Variants in RNF152 observed in about 807,000 individuals in gnomAD.
RNF152 encodes the protein ring finger protein 152, also known as E3 ubiquitin-protein ligase RNF152.
RNF152 carries 11 observed loss-of-function variants against 12.7 expected under a neutral mutation model. The ratio of observed to expected loss-of-function variants is 0.86; its 90% CI spans 0.54 to 1.43. The LOEUF (loss-of-function observed/expected upper bound fraction) is 1.43, where lower values mean the gene tolerates loss of function less well. Among genes scored for constraint, RNF152 ranks in the 40% most tolerant of loss-of-function variants. RNF152 has a pLI of 0.00. For synonymous variants in RNF152, 113 were observed against 120.3 expected (o/e 0.94, Z 0.40); for missense variants, 255 against 274.8 (o/e 0.93, Z 0.51).
At chr18:61,877,535 A>G (rs1200373749) in intron 1 of RNF152, among the ~76,000 whole-genome samples, 1 of 152,228 alleles carries the variant, frequency 6.6e-6, no homozygotes, top group East Asian at 1.9e-4. Flanking sequence ...AGACACATAT[A>G]CATACACAGT....
At chr18:61,827,220 C>T (rs1350868990) in intron 1 of RNF152, among the ~76,000 whole-genome samples, 1 of 152,182 alleles carries the variant, frequency 6.6e-6, no homozygotes, top group African/African-American at 2.4e-5. Flanking sequence ...GAATAAATTT[C>T]GATTTGGCCA....
intron 1 of RNF152, among the ~76,000 whole-genome samples, chr18:61,821,646 A>T (rs1245774035): frequency 6.6e-6 from 1 of 152,134 alleles, no homozygotes; most frequent in African/African-American, 2.4e-5. Flanking sequence ...AGGGTCTCCA[A>T]CCCCCAGGCC....
intron 1 of RNF152, among the ~76,000 whole-genome samples, chr18:61,816,829 C>G (rs1909122204): frequency 6.6e-6 from 1 of 152,182 alleles, no homozygotes; most frequent in Non-Finnish European, 1.5e-5. Context: ...AAAAAATGAA[C>G]AACTCCAATA....
rs140349016 is a variant in RNF152 at position 61,836,727 on chromosome 18, T to TAA, written c.-135-20131_-135-20130dup. Among the ~76,000 whole-genome samples the TAA allele has an allele frequency of 7.5e-4, 112 of 150,184 alleles. 1 individual carries two copies. In the South Asian group the frequency reaches 0.018, roughly 24 times the overall value. On this transcript the variant is annotated intron_variant, in intron 1 of 1. Coordinates refer to ENST00000312828, the MANE Select transcript of RNF152 (RefSeq NM_173557.3). ...GTAATGTTTTATAAGACACTGAATTTAAAAAAAAAATCCTTGACTCCATAG... is the reference window on the plus strand; with the variant it reads ...GTAATGTTTTATAAGACACTGAATTTAAAAAAAAAAAATCCTTGACTCCATAG...
intron 1 of RNF152, among the ~76,000 whole-genome samples, chr18:61,839,661 T>C (rs183657488): frequency 7.2e-5 from 11 of 152,210 alleles, no homozygotes; most frequent in Admixed American, 3.3e-4. Flanking sequence ...TTTGGGAGGC[T>C]GAGGCGGGCG....
chr18:61,849,877 G>A (rs534953317), intron 1 of RNF152, among the ~76,000 whole-genome samples: 7 of 152,158 alleles, frequency 4.6e-5, no homozygotes, highest in Non-Finnish European at 8.8e-5. Flanking sequence ...ATCATCAAAT[G>A]AGTTTGAGGA....
chr18:61,823,452 C>T (rs952064065), intron 1 of RNF152, among the ~76,000 whole-genome samples: 1 of 144,720 alleles, frequency 6.9e-6, no homozygotes, highest in Non-Finnish European at 1.6e-5. Context: ...TGCACCACCA[C>T]ACCCAGCTAA....
Position 61,820,674 on chromosome 18 carries a change from T to G in RNF152, c.-135-4076A>C, listed in dbSNP as rs187053972. 5.6e-4 allele frequency among the ~76,000 whole-genome samples: 85 copies of G among 152,260 alleles called. 1 individual carries two copies. The East Asian group carries it at 0.015, about 26-fold the overall frequency. On this transcript the variant is annotated intron_variant, in intron 1 of 1. Coordinates refer to ENST00000312828, the MANE Select transcript of RNF152 (RefSeq NM_173557.3). ...TAACAGGAAAACCCTCAATTGCAAA[T>G]GAGGCTGGGGACAAAAATGTTTCAT...
intron 1 of RNF152, among the ~76,000 whole-genome samples, chr18:61,873,644 T>C (rs1912091374): frequency 6.6e-6 from 1 of 152,234 alleles, no homozygotes; most frequent in East Asian, 1.9e-4. Context: ...TCAGTCTCCA[T>C]TCTTAAACAC....
intron 1 of RNF152, among the ~76,000 whole-genome samples, chr18:61,859,331 G>A (rs992564882): frequency 3.3e-5 from 5 of 152,186 alleles, no homozygotes; most frequent in East Asian, 1.9e-4. Flanking sequence ...CTGTTGTGGC[G>A]CAAATTCAAA....
intron 1 of RNF152, among the ~76,000 whole-genome samples, chr18:61,870,124 A>G (rs1468882361): frequency 6.6e-6 from 1 of 152,190 alleles, no homozygotes; most frequent in African/African-American, 2.4e-5. Context: ...GAAAACATGG[A>G]AATATTACGT....
intron 1 of RNF152, among the ~76,000 whole-genome samples, chr18:61,864,617 C>A (rs1041325670): frequency 6.6e-6 from 1 of 152,208 alleles, no homozygotes; most frequent in Non-Finnish European, 1.5e-5. Context: ...TTCTTCCCTA[C>A]CAGGAGGTCT....
intron 1 of RNF152, among the ~76,000 whole-genome samples, chr18:61,826,605 C>T (rs1909680696): frequency 2.6e-5 from 4 of 152,096 alleles, no homozygotes; most frequent in Admixed American, 6.5e-5. Context: ...TTCATTTGCA[C>T]GTCCATGATA....
intron 1 of RNF152, among the ~76,000 whole-genome samples, chr18:61,852,323 T>G (rs1377152709): frequency 6.6e-6 from 1 of 152,212 alleles, no homozygotes; most frequent in Non-Finnish European, 1.5e-5. Context: ...TAAAAACCTC[T>G]GGGCAACAAG....
At chr18:61,879,617 T>C (rs1912369869) in intron 1 of RNF152, among the ~76,000 whole-genome samples, 1 of 152,156 alleles carries the variant, frequency 6.6e-6, no homozygotes, top group Non-Finnish European at 1.5e-5. Flanking sequence ...TTTATTCCAC[T>C]TTCTGGTATG....
At position 61,816,159 on chromosome 18, in the gene RNF152, A is replaced by G. The variant is rs767767596; in HGVS notation, c.305T>C (p.Leu102Pro). 3 of 1,614,090 alleles carry G rather than the reference A, an allele frequency of 1.9e-6. No individual in the cohort carries two copies. Among genetic ancestry groups the G allele is most frequent in the Non-Finnish European group, 2.5e-6 (3 of 1,180,036 alleles). ...ACGCTCCTTGGAGATGGGCAGGGGC[A>G]GCATGTAGCACCCATTGCTGGGAAG... is the stretch of plus-strand genomic sequence containing the variant. Reference protein sequence around the residue: ...IKLPSNGCYMLPLPISKERAL... With the variant: ...IKLPSNGCYMPPLPISKERAL... Residue 102 changes from leucine (L) to proline (P), a missense_variant, in exon 2 of 2, where the codon CTG becomes CCG. Physicochemically the swap from Leu to Pro is moderately conservative, Grantham distance 98. Coordinates refer to ENST00000312828, the MANE Select transcript of RNF152 (RefSeq NM_173557.3).
Position 61,812,399 on chromosome 18 carries a change from G to C in RNF152, c.*3453C>G, listed in dbSNP as rs1448588816. The C allele has an allele frequency of 1.3e-5, 2 of 151,956 alleles. No homozygotes were observed. Among genetic ancestry groups the C allele is most frequent in the Non-Finnish European group, 2.9e-5 (2 of 68,014 alleles). 9.4% of individuals were successfully genotyped at this position (151,956 alleles called of 1,614,324 possible). Reference sequence around the variant, plus strand: ...CCATCACATGGTTTAACCTTCAAGGGACCCAATCTGTAAGCCATGCAAAAA... The same window carrying C: ...CCATCACATGGTTTAACCTTCAAGGCACCCAATCTGTAAGCCATGCAAAAA... On this transcript the variant is annotated 3_prime_UTR_variant, in exon 2 of 2. Coordinates refer to ENST00000312828, the MANE Select transcript of RNF152 (RefSeq NM_173557.3).
intron 1 of RNF152, among the ~76,000 whole-genome samples, chr18:61,883,633 C>T (rs1313639672): frequency 6.6e-6 from 1 of 152,154 alleles, no homozygotes; most frequent in Non-Finnish European, 1.5e-5. Context: ...ACGGAAAGTT[C>T]CATGACCCAG....
intron 1 of RNF152, among the ~76,000 whole-genome samples, chr18:61,842,323 C>T (rs1237827431): frequency 6.6e-6 from 1 of 152,178 alleles, no homozygotes; most frequent in East Asian, 1.9e-4. Flanking sequence ...ACTCACAGCA[C>T]AGTTCTATTA....
Sources: gnomAD v4.1 joint callset for allele counts (sites outside exome capture counted in the v4.1 genomes callset) on GRCh38, gnomAD v4.1.1 for gene constraint, MANE v1.5 for transcripts, NCBI Gene and HGNC (gene_info 2026-07-23, HGNC 2026-07-21) for gene names.